The following COBLL1 variants were observed in gnomAD, a reference collection of about 807,000 sequenced individuals.
COBLL1 encodes the protein cordon-bleu protein-like 1.
A neutral mutation model predicts 94.8 loss-of-function variants in COBLL1; 50 were observed. The ratio of observed to expected loss-of-function variants is 0.53; its 90% CI spans 0.42 to 0.67. COBLL1 has a LOEUF of 0.67. Ranked by LOEUF, COBLL1 falls within the 30% of genes least tolerant of loss-of-function variation. The probability of loss-of-function intolerance (pLI) is 0.00; values close to 1 mark genes in which losing one functional copy is unlikely to be tolerated. For synonymous variants in COBLL1, 448 were observed against 473.8 expected, an observed-to-expected ratio of 0.95 and a Z score of 0.71; for missense variants, 1,362 against 1,348.7, an observed-to-expected ratio of 1.01 and a Z score of -0.15.
rs2105404077 is a variant in COBLL1 at position 164,841,078 on chromosome 2, G to A, written c.41+78C>T. The A allele has an allele frequency of 8.2e-7, 1 of 1,216,878 alleles. No individual in the cohort carries two copies. Among genetic ancestry groups the A allele is most frequent in the Non-Finnish European group, 1.0e-6 (1 of 975,294 alleles). 75.4% of individuals were successfully genotyped at this position (1,216,878 alleles called of 1,614,324 possible). On this transcript the variant is annotated intron_variant, in intron 2 of 13. Transcript: ENST00000652658. This position sits in a 1 kb window ranked among gnomAD's most constrained non-coding sequence, Gnocchi z 5.5. ...CGGCAGGGCAGCGAGTTGCCAGCCA[G>A]GTGAAACGGCCGAGGCCTCGCTGTC...
intron 7 of COBLL1, among the ~76,000 whole-genome samples, chr2:164,706,374 GAC>G (rs1163185630): frequency 2.6e-5 from 4 of 152,286 alleles, no homozygotes; most frequent in South Asian, 4.1e-4. Context: ...ACACTGGTGT[GAC>G]ACAGAGTGTG....
At chr2:164,715,574 C>A (rs1284647447) in intron 7 of COBLL1, among the ~76,000 whole-genome samples, 1 of 151,912 alleles carries the variant, frequency 6.6e-6, no homozygotes, top group Non-Finnish European at 1.5e-5. Context: ...CTGTACATTT[C>A]ATAAGTATAT....
intron 2 of COBLL1, among the ~76,000 whole-genome samples, chr2:164,757,300 G>A (rs1234232499): frequency 6.6e-6 from 1 of 152,072 alleles, no homozygotes; most frequent in Admixed American, 6.6e-5. Flanking sequence ...AAATGTTTAT[G>A]TAAATAAATG....
intron 2 of COBLL1, among the ~76,000 whole-genome samples, chr2:164,810,215 T>G (rs1394641580): frequency 1.3e-5 from 2 of 151,588 alleles, no homozygotes; most frequent in Non-Finnish European, 1.5e-5. Flanking sequence ...TTTCTGGTAT[T>G]TGGGATATAT....
At chr2:164,774,057 C>A (rs1688343463) in intron 2 of COBLL1, among the ~76,000 whole-genome samples, 2 of 152,198 alleles carry the variant, frequency 1.3e-5, no homozygotes, top group South Asian at 4.2e-4. Context: ...AGATTCTCAA[C>A]ATATACAAAA....
intron 2 of COBLL1, among the ~76,000 whole-genome samples, chr2:164,838,241 C>T (rs1683415551): frequency 6.6e-6 from 1 of 152,114 alleles, no homozygotes; most frequent in South Asian, 2.1e-4. Context: ...ATGCTAAATG[C>T]GAGTTAAATG....
chr2:164,763,598 T>A (rs1687795939), intron 2 of COBLL1, among the ~76,000 whole-genome samples: 1 of 152,142 alleles, frequency 6.6e-6, no homozygotes, highest in Non-Finnish European at 1.5e-5. Flanking sequence ...ATAGACTATA[T>A]CAAATTATGG....
At chr2:164,739,110 TCACAAAGGCAAGA>T in intron 3 of COBLL1, among the ~76,000 whole-genome samples, 1 of 152,232 alleles carries the variant, frequency 6.6e-6, no homozygotes, top group Middle Eastern at 3.4e-3. Context: ...AAGCAGAGCC[TCACAAAGGCAAGA>T]TAGTAGAGAC....
intron 2 of COBLL1, among the ~76,000 whole-genome samples, chr2:164,820,904 T>C (rs1320906583): frequency 6.6e-6 from 1 of 152,220 alleles, no homozygotes; most frequent in African/African-American, 2.4e-5. Context: ...TTGTTTTGTT[T>C]TGAGATGGAG....
At chr2:164,688,740 A>G (rs1220174763) in intron 13 of COBLL1, among the ~76,000 whole-genome samples, 2 of 152,110 alleles carry the variant, frequency 1.3e-5, no homozygotes, top group East Asian at 3.8e-4. Context: ...AAACTAATTA[A>G]ATAAACAATA....
intron 2 of COBLL1, among the ~76,000 whole-genome samples, chr2:164,766,288 T>C (rs1449103039): frequency 6.6e-6 from 1 of 152,200 alleles, no homozygotes; most frequent in African/African-American, 2.4e-5. Context: ...CTTTTTTGTA[T>C]GTGATATGGT....
At chr2:164,833,052 A>C (rs1308186570) in intron 2 of COBLL1, among the ~76,000 whole-genome samples, 1 of 150,682 alleles carries the variant, frequency 6.6e-6, no homozygotes, top group Non-Finnish European at 1.5e-5. Context: ...TCAAAAACAA[A>C]AAAAACAAAA....
chr2:164,765,766 A>C (rs947493722), intron 2 of COBLL1, among the ~76,000 whole-genome samples: 1 of 152,214 alleles, frequency 6.6e-6, no homozygotes, highest in Non-Finnish European at 1.5e-5. Flanking sequence ...AAAAGAAATT[A>C]CTAAAGCTAA....
chr2:164,704,002 T>C (rs1382097930), intron 9 of COBLL1, among the ~76,000 whole-genome samples: 1 of 152,176 alleles, frequency 6.6e-6, no homozygotes, highest in Non-Finnish European at 1.5e-5. Flanking sequence ...TGGTAACAGA[T>C]TTTTACCATT....
chr2:164,718,688 G>C (rs1211040772), intron 7 of COBLL1, among the ~76,000 whole-genome samples: 2 of 152,028 alleles, frequency 1.3e-5, no homozygotes, highest in African/African-American at 4.8e-5. Context: ...AAATAAAAAG[G>C]GACAAGAGGA....
intron 2 of COBLL1, among the ~76,000 whole-genome samples, chr2:164,786,665 C>G (rs1037022645): frequency 1.3e-5 from 2 of 152,082 alleles, no homozygotes; most frequent in African/African-American, 4.8e-5. Flanking sequence ...CATCTCGCAG[C>G]CCTGTCTCCC....
chr2:164,714,100 C>A (rs1214331214), intron 7 of COBLL1, among the ~76,000 whole-genome samples: 3 of 151,866 alleles, frequency 2.0e-5, no homozygotes, highest in Non-Finnish European at 4.4e-5. Context: ...GTCTCTCTCT[C>A]AGGCCAGGTC....
chr2:164,680,631 A>G lies in COBLL1; in HGVS notation c.*5315T>C, dbSNP rs562825694. On this transcript the variant is annotated 3_prime_UTR_variant, in exon 14 of 14. Transcript: ENST00000652658. ...TTCTTTGTACACTTTCAGGTTTTCAATGAAATAGCACAGTTGCCAGATTTA... is the reference window on the plus strand; with the variant it reads ...TTCTTTGTACACTTTCAGGTTTTCAGTGAAATAGCACAGTTGCCAGATTTA... 7 of 152,262 alleles carry G rather than the reference A, an allele frequency of 4.6e-5. No individual in the cohort carries two copies. Among genetic ancestry groups the G allele is most frequent in the African/African-American group, 9.6e-5 (4 of 41,554 alleles). The allele number at this position is 152,262 out of a possible 1,614,324, so 9.4% of individuals were successfully genotyped here.
rs1559033679 is a variant in COBLL1, at chr2:164,805,342, T to TGTATAAATATATATAA, written c.41+35813_41+35814insTTATATATATTTATAC. Among the ~76,000 whole-genome samples, 254 of 87,660 alleles carry TGTATAAATATATATAA rather than the reference T, an allele frequency of 2.9e-3. 43 individuals are homozygous for TGTATAAATATATATAA. The highest frequency in any genetic ancestry group is 0.011 in the African/African-American group (240 of 21,238). 57.5% of individuals were successfully genotyped at this position (87,660 alleles called of 152,430 possible). A position where few individuals can be genotyped will look rare whatever the true frequency, so the allele number is the denominator to read the frequency against. ...CTCTCTCTCTCTCTCTCTCTCTATA[T>TGTATAAATATATATAA]ATATATATATATATATATATAAAAC... On this transcript the variant is annotated intron_variant, in intron 2 of 13. Coordinates refer to ENST00000652658, the MANE Select transcript of COBLL1 (RefSeq NM_001365672.2).
Sources: gnomAD v4.1 joint callset for allele counts (sites outside exome capture counted in the v4.1 genomes callset) on GRCh38, gnomAD v4.1.1 for gene constraint, Gnocchi (gnomAD v3.1) non-coding constraint, MANE v1.5 for transcripts, NCBI Gene and HGNC (gene_info 2026-07-23, HGNC 2026-07-21) for gene names.